The following POU2F3 variants were observed in gnomAD, a reference collection of about 807,000 sequenced individuals.
POU2F3 encodes the protein POU domain, class 2, transcription factor 3.
In POU2F3, 23 loss-of-function variants were observed where a neutral mutation model predicts 59.2. The ratio of observed to expected loss-of-function variants is 0.39; its 90% CI spans 0.28 to 0.55. The LOEUF (loss-of-function observed/expected upper bound fraction) is 0.55. POU2F3 is among the 20% of genes least tolerant of loss of function. POU2F3 has a pLI of 0.66. For missense variants in POU2F3, 473 were observed against 544.5 expected, an observed-to-expected ratio of 0.87 and a Z score of 1.31; for synonymous variants, 190 against 214.6, an observed-to-expected ratio of 0.89 and a Z score of 1.00.
At chr11:120,257,207 G>C (rs1159347310) in intron 2 of POU2F3, among the ~76,000 whole-genome samples, 1 of 152,132 alleles carries the variant, frequency 6.6e-6, no homozygotes, top group Non-Finnish European at 1.5e-5. Context: ...ATTTTATAGG[G>C]GAGGAGACTG....
intron 2 of POU2F3, among the ~76,000 whole-genome samples, chr11:120,267,716 C>A (rs1939889369): frequency 6.6e-6 from 1 of 151,818 alleles, no homozygotes; most frequent in African/African-American, 2.4e-5. Flanking sequence ...ATGTTAGGAA[C>A]TGTGGTCATT....
intron 1 of POU2F3, among the ~76,000 whole-genome samples, chr11:120,242,740 A>G: frequency 6.6e-6 from 1 of 152,188 alleles, no homozygotes; most frequent in East Asian, 1.9e-4. Context: ...GCCATGATTC[A>G]GGTCTGCCTG....
intron 11 of POU2F3, among the ~76,000 whole-genome samples, chr11:120,315,778 C>T (rs1941768227): frequency 6.6e-6 from 1 of 151,802 alleles, no homozygotes; most frequent in South Asian, 2.1e-4. Flanking sequence ...ACGCACTAGA[C>T]AGGATGATCG....
chr11:120,281,104 C>G (rs1940551384), intron 3 of POU2F3, among the ~76,000 whole-genome samples: 1 of 152,134 alleles, frequency 6.6e-6, no homozygotes, highest in South Asian at 2.1e-4. Flanking sequence ...ACTTTTTCCA[C>G]CTTAAAGCTT....
At chr11:120,258,788 T>C (rs1419889063) in intron 2 of POU2F3, 1 of 152,198 alleles carries the variant, frequency 6.6e-6, no homozygotes, top group Non-Finnish European at 1.5e-5. Context: ...AGGGTGCTCC[T>C]TCTGCTTAGC....
intron 2 of POU2F3, among the ~76,000 whole-genome samples, chr11:120,268,307 C>T (rs1433621011): frequency 1.3e-5 from 2 of 151,966 alleles, no homozygotes; most frequent in Non-Finnish European, 2.9e-5. Context: ...TTTTTCTGAA[C>T]CAAAAAGCTT....
At chr11:120,251,483 A>G (rs1328585881) in intron 2 of POU2F3, among the ~76,000 whole-genome samples, 2 of 152,208 alleles carry the variant, frequency 1.3e-5, no homozygotes, top group African/African-American at 2.4e-5. Flanking sequence ...TAGAAGGAGA[A>G]GGGTAGTGCA....
chr11:120,289,153 A>T (rs1940932168), intron 3 of POU2F3, among the ~76,000 whole-genome samples: 1 of 152,202 alleles, frequency 6.6e-6, no homozygotes, highest in Non-Finnish European at 1.5e-5. Context: ...TGTGATTAGC[A>T]GTTTGGCTTA....
At position 120,294,969 on chromosome 11, in the gene POU2F3, A is replaced by T. The variant is rs144972461; in HGVS notation, c.133-3296A>T. Among the ~76,000 whole-genome samples the T allele has an allele frequency of 1.0e-3, 158 of 152,366 alleles. 3 individuals carry two copies. The East Asian group carries it at 0.029, about 28-fold the overall frequency. On this transcript the variant is annotated intron_variant, in intron 3 of 12. Coordinates refer to ENST00000543440, the MANE Select transcript of POU2F3 (RefSeq NM_014352.4). ...AGATAAAAATAAATAAATAAAAATTATAAAAGAGTAAAAAGTCGGTCAAAC... is the reference window on the plus strand; with the variant it reads ...AGATAAAAATAAATAAATAAAAATTTTAAAAGAGTAAAAAGTCGGTCAAAC...
chr11:120,271,347 T>G (rs891240212), intron 3 of POU2F3, among the ~76,000 whole-genome samples: 3 of 152,186 alleles, frequency 2.0e-5, no homozygotes, highest in Non-Finnish European at 4.4e-5. Flanking sequence ...ACCTCAGAGA[T>G]AGTTTGGCCA....
chr11:120,305,460 T>C (rs1941461039), intron 7 of POU2F3, 184 bp from the exon 8 acceptor site: 5 of 1,040,056 alleles, frequency 4.8e-6, no homozygotes, highest in Non-Finnish European at 6.9e-6. Flanking sequence ...CCACTGAGAG[T>C]CTAAGGAGAG....
rs570892187 is a variant in POU2F3 at position 120,316,034 on chromosome 11, G to A, written c.1135+607G>A. On this transcript the variant is annotated intron_variant, in intron 11 of 12. Transcript: ENST00000543440. ...ATTACAGGCGTGTGCCACCACGCTC[G>A]GCTGATTTTTTGTATTTTTAGTAGA... Among the ~76,000 whole-genome samples the A allele has an allele frequency of 2.3e-4, 35 of 151,856 alleles. 1 individual carries two copies. The South Asian group carries it at 5.6e-3, about 24-fold the overall frequency.
chr11:120,239,057 C>T (rs61898297), upstream of POU2F3, among the ~76,000 whole-genome samples: 5,850 of 152,120 alleles, frequency 0.038, 197 homozygotes, highest in Admixed American at 0.11. Context: ...CTGGAGTGCA[C>T]GGTGGGATGG....
intron 3 of POU2F3, among the ~76,000 whole-genome samples, chr11:120,291,574 T>A (rs1941021066): frequency 6.6e-6 from 1 of 152,240 alleles, no homozygotes; most frequent in African/African-American, 2.4e-5. Context: ...TATAATTCTA[T>A]AATTCCATCA....
chr11:120,249,063 G>A (rs2135134431), intron 2 of POU2F3, among the ~76,000 whole-genome samples: 1 of 152,334 alleles, frequency 6.6e-6, no homozygotes, highest in South Asian at 2.1e-4. Flanking sequence ...TTCCCCATCT[G>A]CACTGGTCAG....
Position 120,240,272 on chromosome 11 carries a change from T to C in POU2F3, c.-72T>C. The C allele has an allele frequency of 2.4e-6, 3 of 1,270,026 alleles. No homozygotes were observed. Among genetic ancestry groups the C allele is most frequent in the Non-Finnish European group, 3.0e-6 (3 of 1,000,408 alleles). The allele number at this position is 1,270,026 out of a possible 1,614,324, so 78.7% of individuals were successfully genotyped here. A position where few individuals can be genotyped will look rare whatever the true frequency, so the allele number is the denominator to read the frequency against. On this transcript the variant is annotated 5_prime_UTR_variant, in exon 1 of 13. Transcript: ENST00000543440. The stretch of plus-strand genomic sequence containing the variant: ...GAACTGGAGGAAGGAGACCCTGGCT[T>C]CGCAGGGGCCCCGGCTGGGGCAGAG...
rs563001296 is a variant in POU2F3, at chr11:120,268,358, T to G, written c.98-852T>G. On this transcript the variant is annotated intron_variant, in intron 2 of 12. Transcript: ENST00000543440. ...TATGTATTTATTTATTTATTTATTT[T>G]GAGACAGGGTCTCATTCTGTTGCCC... Among the ~76,000 whole-genome samples, 344 of 148,946 alleles carry G rather than the reference T, an allele frequency of 2.3e-3. 4 individuals are homozygous for G. Among genetic ancestry groups the G allele is most frequent in the African/African-American group, 8.1e-3 (335 of 41,364 alleles).
intron 3 of POU2F3, among the ~76,000 whole-genome samples, chr11:120,278,713 G>A (rs1054005398): frequency 2.6e-5 from 4 of 152,180 alleles, no homozygotes; most frequent in African/African-American, 9.7e-5. Flanking sequence ...TGTTCAGGCA[G>A]GAGATAATTG....
At chr11:120,307,133 C>T (rs1041164183) in intron 8 of POU2F3, among the ~76,000 whole-genome samples, 2 of 152,228 alleles carry the variant, frequency 1.3e-5, no homozygotes, top group Admixed American at 6.5e-5. Flanking sequence ...AGGAGCCCTG[C>T]CAGTGCCCCC....
Sources: allele counts gnomAD v4.1 joint callset (sites outside exome capture counted in the v4.1 genomes callset), GRCh38; gene constraint gnomAD v4.1.1; transcripts MANE v1.5; gene names NCBI Gene and HGNC (gene_info 2026-07-23, HGNC 2026-07-21).